UTS2: variants seen among roughly 807,000 people sequenced by gnomAD.
The protein encoded by UTS2 is urotensin 2.
Under a neutral mutation model 12.6 loss-of-function variants are expected in UTS2, and 10 were observed. The ratio of observed to expected loss-of-function variants is 0.80; its 90% CI spans 0.49 to 1.35. The LOEUF (loss-of-function observed/expected upper bound fraction) is 1.35, where lower values mean the gene tolerates loss of function less well. Among genes scored for constraint, UTS2 ranks in the 40% most tolerant of loss-of-function variants. The probability of loss-of-function intolerance (pLI) is 0.00; values close to 1 mark genes in which losing one functional copy is unlikely to be tolerated. For synonymous variants in UTS2, 52 were observed against 50.0 expected, an observed-to-expected ratio of 1.04 and a Z score of -0.17; for missense variants, 142 against 143.2, an observed-to-expected ratio of 0.99 and a Z score of 0.04.
chr1:7,859,997 T>TA, the UTS2 span, among the ~76,000 whole-genome samples: 47,718 of 145,530 alleles, frequency 0.33, 7,703 homozygotes, highest in South Asian at 0.43. Flanking sequence ...AGATCCTGTC[T>TA]AAAAAAAAAT....
chr1:7,857,437 A>C (rs893111711), upstream of UTS2, among the ~76,000 whole-genome samples: 1 of 151,168 alleles, frequency 6.6e-6, no homozygotes, highest in Non-Finnish European at 1.5e-5. Flanking sequence ...TGGAAAATAT[A>C]ATAAAAGAAC....
At chr1:7,853,669 T>C (rs970717329), upstream of UTS2, among the ~76,000 whole-genome samples, 1 of 152,154 alleles carries the variant, frequency 6.6e-6, no homozygotes, top group Admixed American at 6.5e-5. Context: ...CTTCATAAAG[T>C]TGATTATTAT....
At chr1:7,851,370 C>T (rs927447089) in intron 1 of UTS2, among the ~76,000 whole-genome samples, 2 of 152,168 alleles carry the variant, frequency 1.3e-5, no homozygotes, top group East Asian at 3.9e-4. Flanking sequence ...ATGGTATCAC[C>T]TCTTCTTTTA....
Position 7,850,915 on chromosome 1 carries a change from A to G in UTS2, c.111T>C (p.His37=), listed in dbSNP as rs147306007. Residue 37 remains histidine, a synonymous_variant, in exon 2 of 4, where the codon CAT becomes CAC. Coordinates refer to ENST00000361696, the MANE Select transcript of UTS2 (RefSeq NM_006786.4). ...REISFQLSAP[H]EDARLTPEEL... is the part of the protein sequence containing the mutation. ...CCTCCGGAGTTAAGCGCGCGTCTTC[A>G]TGAGGTGCTACAGAGTAAAAACAGA... 6.1e-4 allele frequency: 980 copies of G among 1,614,044 alleles called. 1 individual carries two copies. Among genetic ancestry groups the G allele is most frequent in the Non-Finnish European group, 7.6e-4 (892 of 1,180,038 alleles).
chr1:7,881,840 G>C, the UTS2 span, among the ~76,000 whole-genome samples: 1 of 152,034 alleles, frequency 6.6e-6, no homozygotes, highest in Admixed American at 6.6e-5. Context: ...TGAGCAAAAA[G>C]AACAAAGTTA....
At chr1:7,904,988 T>C in the UTS2 span, among the ~76,000 whole-genome samples, 1 of 151,112 alleles carries the variant, frequency 6.6e-6, no homozygotes. Flanking sequence ...ACTGCCCAGC[T>C]TAGAAAATAA....
At chr1:7,907,828 C>T in the UTS2 span, among the ~76,000 whole-genome samples, 6 of 152,030 alleles carry the variant, frequency 3.9e-5, no homozygotes, top group Non-Finnish European at 7.4e-5. Context: ...ACTAAGTTTT[C>T]GAAGCCTCAA....
chr1:7,893,594 C>T, the UTS2 span, among the ~76,000 whole-genome samples: 1 of 152,172 alleles, frequency 6.6e-6, no homozygotes, highest in Admixed American at 6.5e-5. Context: ...ACGTCACAGA[C>T]CCCCAACAGC....
chr1:7,867,105 G>C, the UTS2 span, among the ~76,000 whole-genome samples: 3 of 152,058 alleles, frequency 2.0e-5, no homozygotes, highest in Non-Finnish European at 4.4e-5. Flanking sequence ...CCTGACCTCA[G>C]GTGATCCGCC....
chr1:7,903,149 TCCTGCTTCCCCTCCTTCC>T, the UTS2 span, among the ~76,000 whole-genome samples: 1 of 16,796 alleles, frequency 6.0e-5, no homozygotes, highest in African/African-American at 3.4e-4. Flanking sequence ...CCCCTCCTTC[TCCTGCTTCCCCTCCTTCC>T]CCTCCTTCTC....
chr1:7,891,951 G>C, the UTS2 span, among the ~76,000 whole-genome samples: 1 of 152,136 alleles, frequency 6.6e-6, no homozygotes, highest in Non-Finnish European at 1.5e-5. Context: ...CTCTGCCTGT[G>C]GTCTTGATGG....
chr1:7,882,596 CAAAGA>C, the UTS2 span, among the ~76,000 whole-genome samples: 3 of 152,070 alleles, frequency 2.0e-5, no homozygotes, highest in Non-Finnish European at 4.4e-5. Flanking sequence ...TGCTGCACAG[CAAAGA>C]AAACAATCAA....
At chr1:7,886,603 T>G in the UTS2 span, among the ~76,000 whole-genome samples, 1 of 152,220 alleles carries the variant, frequency 6.6e-6, no homozygotes, top group Non-Finnish European at 1.5e-5. Context: ...AAGAATGAAT[T>G]AAGTCATCAA....
At chr1:7,863,097 T>C in the UTS2 span, among the ~76,000 whole-genome samples, 1,618 of 126,152 alleles carry the variant, frequency 0.013, 76 homozygotes, top group African/African-American at 0.053. Context: ...TGTATTGTAT[T>C]GTATTGTATT....
chr1:7,895,307 T>C, the UTS2 span, among the ~76,000 whole-genome samples: 1 of 152,014 alleles, frequency 6.6e-6, no homozygotes, highest in African/African-American at 2.4e-5. Flanking sequence ...AGGCAGAGGT[T>C]GCAGTGAGCT....
the UTS2 span, among the ~76,000 whole-genome samples, chr1:7,888,141 C>T: frequency 6.6e-6 from 1 of 152,212 alleles, no homozygotes; most frequent in South Asian, 2.1e-4. Flanking sequence ...TGATTCATTT[C>T]GTTGTTGGGC....
chr1:7,878,759 C>T, the UTS2 span, among the ~76,000 whole-genome samples: 1 of 152,030 alleles, frequency 6.6e-6, no homozygotes, highest in East Asian at 1.9e-4. Flanking sequence ...GATCCAACTG[C>T]ATGATGCCTA....
chr1:7,858,628 G>A, the UTS2 span, among the ~76,000 whole-genome samples: 1,407 of 152,124 alleles, frequency 9.2e-3, 19 homozygotes, highest in African/African-American at 0.032. Flanking sequence ...CCAGGCTGGA[G>A]TGCAGTGGTG....
At chr1:7,906,258 T>A in the UTS2 span, among the ~76,000 whole-genome samples, 1 of 151,982 alleles carries the variant, frequency 6.6e-6, no homozygotes, top group Non-Finnish European at 1.5e-5. Flanking sequence ...TTTCTAAACA[T>A]TCCTTTCCAT....
Sources: allele counts gnomAD v4.1 joint callset (sites outside exome capture counted in the v4.1 genomes callset), GRCh38; gene constraint gnomAD v4.1.1; transcripts MANE v1.5; gene names NCBI Gene and HGNC (gene_info 2026-07-23, HGNC 2026-07-21).